The following DNAH10 variants were observed in gnomAD, a reference collection of about 807,000 sequenced individuals.
DNAH10 encodes axonemal beta dynein heavy chain 10.
In DNAH10, 348 loss-of-function variants were observed where a neutral mutation model predicts 506.6. The ratio of observed to expected loss-of-function variants is 0.69; its 90% CI spans 0.63 to 0.75. DNAH10 has a LOEUF of 0.75. Ranked by LOEUF, DNAH10 falls within the 30% of genes least tolerant of loss-of-function variation. The pLI is 0.00. For missense variants in DNAH10, 5,179 were observed against 5,787.1 expected (o/e 0.89, Z 3.41); for synonymous variants, 2,059 against 2,198.6 (o/e 0.94, Z 1.78).
chr12:123,888,686 C>T (rs745308282), intron 52 of DNAH10, among the ~76,000 whole-genome samples: 1 of 152,098 alleles, frequency 6.6e-6, no homozygotes, highest in African/African-American at 2.4e-5. Context: ...AAGCCACTCG[C>T]TTTGGGGTAA....
At chr12:123,876,568 G>A (rs558874634) in intron 47 of DNAH10, among the ~76,000 whole-genome samples, 4 of 152,304 alleles carry the variant, frequency 2.6e-5, no homozygotes, top group East Asian at 1.9e-4. Context: ...GGGAGGTGAA[G>A]GCTTTAGTGA....
At chr12:123,861,200 T>G in intron 39 of DNAH10, 30 bp downstream of exon 39, 3 of 1,608,990 alleles carry the variant, frequency 1.9e-6, no homozygotes, top group Non-Finnish European at 2.5e-6. Flanking sequence ...GGAAAGAGCC[T>G]GGGTTAGTTA....
chr12:123,775,496 A>G (rs79079018), intron 5 of DNAH10, among the ~76,000 whole-genome samples: 2,029 of 152,280 alleles, frequency 0.013, 41 homozygotes, highest in African/African-American at 0.046. Context: ...CTAGGGAAGG[A>G]AGGAAGAGGT....
At chr12:123,814,701 G>A (rs958491505) in intron 21 of DNAH10, among the ~76,000 whole-genome samples, 1 of 140,402 alleles carries the variant, frequency 7.1e-6, no homozygotes, top group African/African-American at 2.7e-5. Context: ...TGCAAGCTCC[G>A]CCTCCCAGGT....
At chr12:123,910,803 A>AC in intron 59 of DNAH10, 131 bp downstream of exon 59, 1 of 1,208,698 alleles carries the variant, frequency 8.3e-7, no homozygotes, top group Non-Finnish European at 1.1e-6. Context: ...CTTTCCCTCC[A>AC]CCACCCAATA....
chr12:123,871,874 C>T (rs1952049901), intron 45 of DNAH10, among the ~76,000 whole-genome samples: 2 of 152,312 alleles, frequency 1.3e-5, no homozygotes, highest in Middle Eastern at 3.4e-3. Flanking sequence ...CAGTTCCTCA[C>T]CATGTGGCTC....
chr12:123,924,011 TG>T (rs548655659), intron 66 of DNAH10, 144 bp downstream of exon 66: 57 of 739,230 alleles, frequency 7.7e-5, no homozygotes, highest in Non-Finnish European at 1.2e-4. Context: ...CTATTCCAGT[TG>T]ATCATTCCAG....
At chr12:123,783,028 CAGCCGGTG>C in intron 6 of DNAH10, 71 bp from the exon 7 acceptor site, 1 of 1,436,892 alleles carries the variant, frequency 7.0e-7, no homozygotes, top group Non-Finnish European at 9.7e-7. Flanking sequence ...AGAGACGACC[CAGCCGGTG>C]AACTTGAATG....
At chr12:123,828,327 A>T (rs1443336675) in intron 25 of DNAH10, among the ~76,000 whole-genome samples, 1 of 152,208 alleles carries the variant, frequency 6.6e-6, no homozygotes, top group Non-Finnish European at 1.5e-5. Flanking sequence ...GTGGCTTGCC[A>T]GTCAAAACAG....
In DNAH10 at chr12:123,909,081, C is replaced by T; in HGVS notation, c.9816-180C>T. Reference sequence around the variant, plus strand: ...ACCTGAGAGGGGGACCCGGCCCTGCCCTTAGGGACGCTCCCGCCCAGGAGT... The same window carrying T: ...ACCTGAGAGGGGGACCCGGCCCTGCTCTTAGGGACGCTCCCGCCCAGGAGT... On this transcript the variant is annotated intron_variant, in intron 57 of 78. Transcript: ENST00000673944. The surrounding 1 kb of genome is among the most constrained non-coding windows in gnomAD (Gnocchi z 5.4). Among the ~76,000 whole-genome samples the T allele has an allele frequency of 6.6e-6, 1 of 152,176 alleles. No homozygotes were observed.
chr12:123,838,196 C>T, intron 28 of DNAH10, among the ~76,000 whole-genome samples: 1 of 152,192 alleles, frequency 6.6e-6, no homozygotes, highest in Non-Finnish European at 1.5e-5. Flanking sequence ...AATCCTTTCC[C>T]TGCGCAGCTG....
chr12:123,790,846 C>T (rs912296413), intron 11 of DNAH10, among the ~76,000 whole-genome samples: 2 of 152,118 alleles, frequency 1.3e-5, no homozygotes, highest in Admixed American at 6.6e-5. Context: ...AATTATAGGT[C>T]GGGTGTAGCG....
intron 36 of DNAH10, among the ~76,000 whole-genome samples, chr12:123,854,155 A>G (rs1359202219): frequency 6.7e-6 from 1 of 149,968 alleles, no homozygotes; most frequent in East Asian, 2.0e-4. Flanking sequence ...GTAAAACACT[A>G]TAAAGTCAGA....
chr12:123,824,839 A>G (rs1410830747), intron 24 of DNAH10, among the ~76,000 whole-genome samples: 1 of 152,040 alleles, frequency 6.6e-6, no homozygotes, highest in East Asian at 1.9e-4. Flanking sequence ...ACTCTAATCC[A>G]GTATGACCTC....
rs114695989 is a variant in DNAH10 at position 123,870,215 on chromosome 12, C to T, written c.7520-151C>T. The T allele has an allele frequency of 3.1e-3, 3,131 of 997,696 alleles. 42 individuals carry two copies. In the African/African-American group the frequency reaches 0.036, roughly 11 times the overall value. 61.8% of individuals were successfully genotyped at this position (997,696 alleles called of 1,614,324 possible). A position where few individuals can be genotyped will look rare whatever the true frequency, so the allele number is the denominator to read the frequency against. On this transcript the variant is annotated intron_variant, in intron 43 of 78. Transcript: ENST00000673944. ...ATGAGTAGCATTAGTTCAAGGTACTCGGTATCTGTCCAGTGAAGGAGCAGC... is the reference window on the plus strand; with the variant it reads ...ATGAGTAGCATTAGTTCAAGGTACTTGGTATCTGTCCAGTGAAGGAGCAGC...
At chr12:123,863,351 C>T (rs1193984877) in intron 39 of DNAH10, among the ~76,000 whole-genome samples, 1 of 152,176 alleles carries the variant, frequency 6.6e-6, no homozygotes, top group African/African-American at 2.4e-5. Context: ...CCCAGGGACC[C>T]AGCAGGTAGC....
intron 43 of DNAH10, among the ~76,000 whole-genome samples, chr12:123,869,458 C>T (rs1951939047): frequency 6.6e-6 from 1 of 152,170 alleles, no homozygotes; most frequent in African/African-American, 2.4e-5. Context: ...CTCCATAAAT[C>T]CCAGTCCCCA....
In DNAH10 at chr12:123,767,495, C is replaced by G. The variant is rs552538773; in HGVS notation, c.215-111C>G. On this transcript the variant is annotated intron_variant, in intron 1 of 78. Coordinates refer to ENST00000673944, the MANE Select transcript of DNAH10 (RefSeq NM_001372106.1). The stretch of plus-strand genomic sequence containing the variant: ...TGTACCACTGTAACATAACGAGTCT[C>G]CTGTGGGCCACATACCAACCCCTTG... 8 of 976,316 alleles carry G rather than the reference C, an allele frequency of 8.2e-6. No homozygotes were observed. In the Admixed American group the frequency reaches 1.1e-4, roughly 13 times the overall value. 60.5% of individuals were successfully genotyped at this position (976,316 alleles called of 1,614,324 possible).
chr12:123,875,045 T>C (rs1952197049), intron 46 of DNAH10, among the ~76,000 whole-genome samples, 186 bp from the exon 47 acceptor site: 1 of 152,166 alleles, frequency 6.6e-6, no homozygotes, highest in South Asian at 2.1e-4. Flanking sequence ...GGAGACAAAC[T>C]TCAAAAAACA....
Sources: gnomAD v4.1 joint callset for allele counts (sites outside exome capture counted in the v4.1 genomes callset) on GRCh38, gnomAD v4.1.1 for gene constraint, Gnocchi (gnomAD v3.1) non-coding constraint, MANE v1.5 for transcripts, NCBI Gene and HGNC (gene_info 2026-07-23, HGNC 2026-07-21) for gene names.